ZNF483: variants seen among roughly 807,000 people sequenced by gnomAD.
The protein encoded by ZNF483 is zinc finger protein 483.
ZNF483 carries 9 observed loss-of-function variants against 28.6 expected under a neutral mutation model. The ratio of observed to expected loss-of-function variants is 0.32; its 90% CI spans 0.19 to 0.55. The LOEUF (loss-of-function observed/expected upper bound fraction) is 0.55. Ranked by LOEUF, ZNF483 falls within the 20% of genes least tolerant of loss-of-function variation. The pLI is 0.93. For synonymous variants in ZNF483, 322 were observed against 306.2 expected (o/e 1.05, Z -0.54); for missense variants, 675 against 871.7 (o/e 0.77, Z 2.84).
At chr9:111,555,766 C>G (rs1828104731), downstream of ZNF483, among the ~76,000 whole-genome samples, 1 of 152,184 alleles carries the variant, frequency 6.6e-6, no homozygotes, top group Non-Finnish European at 1.5e-5. Flanking sequence ...CCACCATGAT[C>G]CCATCACCTC....
chr9:111,577,161 T>C (rs1228569766), exon 6 of ZNF483: 2 of 152,192 alleles, frequency 1.3e-5, no homozygotes, highest in East Asian at 3.8e-4. Context: ...GAACAGATAT[T>C]TCTCCAAAGA....
intron 5 of ZNF483, chr9:111,564,113 T>C (rs1171638261): frequency 9.4e-6 from 3 of 319,914 alleles, no homozygotes; most frequent in Non-Finnish European, 1.5e-5. Context: ...CTAATTTACA[T>C]TTTCAGATTT....
chr9:111,527,334 G>C lies in ZNF483; in HGVS notation c.-62G>C, dbSNP rs1476872122. The C allele has an allele frequency of 4.6e-6, 7 of 1,531,730 alleles. No homozygotes were observed. In the East Asian group the frequency reaches 1.6e-4, roughly 35 times the overall value. The allele number at this position is 1,531,730 out of a possible 1,614,324, so 94.9% of individuals were successfully genotyped here. Reference sequence around the variant, plus strand: ...TTCCTGGCTGTGTATAGTGCCTGTTGGTGGACTGTACTGATACTCAACTAG... The same window carrying C: ...TTCCTGGCTGTGTATAGTGCCTGTTCGTGGACTGTACTGATACTCAACTAG... On this transcript the variant is annotated 5_prime_UTR_variant, in exon 2 of 6. Transcript: ENST00000309235.
At chr9:111,539,038 G>A (rs1206569247) in intron 5 of ZNF483, among the ~76,000 whole-genome samples, 5 of 148,446 alleles carry the variant, frequency 3.4e-5, no homozygotes, top group Admixed American at 6.9e-5. Context: ...GCGTGAACCC[G>A]GGAGGCGGAG....
intron 5 of ZNF483, among the ~76,000 whole-genome samples, chr9:111,534,621 A>T (rs1337852705): frequency 2.6e-5 from 4 of 151,980 alleles, no homozygotes; most frequent in African/African-American, 7.2e-5. Flanking sequence ...AAGCCGGAAT[A>T]GCCATCAGAG....
chr9:111,563,181 T>C, intron 5 of ZNF483: 1 of 1,614,016 alleles, frequency 6.2e-7, no homozygotes, highest in Non-Finnish European at 8.5e-7. Context: ...TAAATGCAGC[T>C]GGCATGTTTT....
intron 3 of ZNF483, among the ~76,000 whole-genome samples, chr9:111,532,820 A>T (rs559989366): frequency 6.6e-6 from 1 of 152,098 alleles, no homozygotes; most frequent in East Asian, 1.9e-4. Context: ...GAGGCATGAG[A>T]ATCGCTTGAA....
intron 2 of ZNF483, among the ~76,000 whole-genome samples, chr9:111,528,346 C>T (rs554908401): frequency 3.0e-4 from 46 of 152,268 alleles, no homozygotes; most frequent in African/African-American, 7.7e-4. Context: ...TAGCCACATG[C>T]GACTAGTAAC....
intron 5 of ZNF483, among the ~76,000 whole-genome samples, chr9:111,575,694 A>G (rs1283803032): frequency 2.0e-5 from 3 of 152,248 alleles, no homozygotes; most frequent in African/African-American, 4.8e-5. Flanking sequence ...GGATTTCCAC[A>G]TGGAAAATAA....
At chr9:111,563,079 C>T (rs1361115158) in intron 5 of ZNF483, 5 of 1,600,676 alleles carry the variant, frequency 3.1e-6, no homozygotes, top group Non-Finnish European at 3.4e-6. Context: ...AACAAATTAA[C>T]TAATCATCTA....
chr9:111,547,499 G>T lies in ZNF483; in HGVS notation c.*4329G>T, dbSNP rs535038139. 3.5e-5 allele frequency among the ~76,000 whole-genome samples: 5 copies of T among 143,708 alleles called. No homozygotes were observed. The highest frequency in any genetic ancestry group is 1.5e-4 in the African/African-American group (5 of 33,760). The allele number at this position is 143,708 out of a possible 152,430, so 94.3% of individuals were successfully genotyped here. A position where few individuals can be genotyped will look rare whatever the true frequency, so the allele number is the denominator to read the frequency against. On this transcript the variant is annotated 3_prime_UTR_variant, in exon 6 of 6. Coordinates refer to ENST00000309235, the MANE Select transcript of ZNF483 (RefSeq NM_133464.5). ...CCATTTTTTAATTGGTTTTGTTGGC[G>T]TTGTTGTTTAGTTGTAGAAGTTCTT...
intron 2 of ZNF483, among the ~76,000 whole-genome samples, chr9:111,530,165 A>T (rs1251422865): frequency 6.6e-6 from 1 of 152,160 alleles, no homozygotes; most frequent in Non-Finnish European, 1.5e-5. Context: ...TGAGTTGATC[A>T]CAGGACCAGT....
downstream of ZNF483, among the ~76,000 whole-genome samples, chr9:111,558,493 C>A (rs961485113): frequency 8.5e-5 from 13 of 152,128 alleles, no homozygotes; most frequent in African/African-American, 3.1e-4. Flanking sequence ...GCCTGGACAA[C>A]ATAGCAAGAA....
rs1453855043 is a variant in ZNF483 at position 111,552,550 on chromosome 9, C to G, written c.*9380C>G. ...TTGTGATAGAAACTAACTTTTCTGT[C>G]TCTAACTGAAATTCTTTGACAGATG... On this transcript the variant is annotated 3_prime_UTR_variant, in exon 6 of 6. Transcript: ENST00000309235. Among the ~76,000 whole-genome samples the G allele has an allele frequency of 2.0e-5, 3 of 152,154 alleles. No individual in the cohort carries two copies. The highest frequency in any genetic ancestry group is 4.4e-5 in the Non-Finnish European group (3 of 68,016).
Position 111,554,805 on chromosome 9 carries a change from A to G in ZNF483, c.*11635A>G, listed in dbSNP as rs748172109. Among the ~76,000 whole-genome samples, 5 of 152,202 alleles carry G rather than the reference A, an allele frequency of 3.3e-5. No individual in the cohort carries two copies. The highest frequency in any genetic ancestry group is 7.3e-5 in the Non-Finnish European group (5 of 68,032). ...AACCACGGAAAGTGAAACTTTGAAT[A>G]AGGGGAGACCACTGTATTTTACCCA... On this transcript the variant is annotated 3_prime_UTR_variant, in exon 6 of 6. Transcript: ENST00000309235.
chr9:111,570,334 T>TGTA, intron 5 of ZNF483: 1 of 1,419,214 alleles, frequency 7.0e-7, no homozygotes. Flanking sequence ...CCCTTCCATT[T>TGTA]CCTCACTCCT....
intron 5 of ZNF483, among the ~76,000 whole-genome samples, chr9:111,540,915 G>A (rs888309282): frequency 2.6e-5 from 4 of 152,148 alleles, no homozygotes; most frequent in African/African-American, 9.7e-5. Flanking sequence ...AACCGAGATG[G>A]TAATAAAATG....
chr9:111,534,505 G>A (rs1426700088), intron 5 of ZNF483, 152 bp downstream of exon 5: 2 of 658,432 alleles, frequency 3.0e-6, no homozygotes, highest in Non-Finnish European at 5.2e-6. Flanking sequence ...TTTTAGTGGG[G>A]GAGACTTGGT....
At chr9:111,577,928 C>T (rs1471725674), downstream of ZNF483, 1 of 151,954 alleles carries the variant, frequency 6.6e-6, no homozygotes, top group East Asian at 1.9e-4. Flanking sequence ...TGAAAGATGC[C>T]AGTCATAAGA....
Sources: gnomAD v4.1 joint callset for allele counts (sites outside exome capture counted in the v4.1 genomes callset) on GRCh38, gnomAD v4.1.1 for gene constraint, MANE v1.5 for transcripts, NCBI Gene and HGNC (gene_info 2026-07-23, HGNC 2026-07-21) for gene names.